Variants in CDH12 observed in about 807,000 individuals in gnomAD.
The protein encoded by CDH12 is cadherin-12.
A neutral mutation model predicts 74.1 loss-of-function variants in CDH12; 41 were observed. That is an observed-to-expected ratio of 0.55 (90% CI 0.43 to 0.72). The LOEUF is 0.72. Ranked by LOEUF, CDH12 falls within the 30% of genes least tolerant of loss-of-function variation. The probability of loss-of-function intolerance (pLI) is 0.00; values close to 1 mark genes in which losing one functional copy is unlikely to be tolerated. For synonymous variants in CDH12, 399 were observed against 355.0 expected, an observed-to-expected ratio of 1.12 and a Z score of -1.39; for missense variants, 945 against 977.2, an observed-to-expected ratio of 0.97 and a Z score of 0.44.
chr5:22,598,250 G>T (rs908727263), intron 1 of CDH12, among the ~76,000 whole-genome samples: 2 of 152,136 alleles, frequency 1.3e-5, no homozygotes, highest in Non-Finnish European at 2.9e-5. Flanking sequence ...TATTGATATG[G>T]TTAGGCTGTG....
At position 22,038,544 on chromosome 5, in the gene CDH12, C is replaced by T. The variant is rs1739340254; in HGVS notation, c.231+39902G>A. Among the ~76,000 whole-genome samples the T allele has an allele frequency of 2.0e-5, 3 of 152,298 alleles. No individual in the cohort carries two copies. In the Middle Eastern group the frequency reaches 0.01, roughly 518 times the overall value. ...TCTACTTTTCTCAATCCTTGCTGTGCCCTGTCTCTAGGGGCCTCTGCTGAA... is the reference window on the plus strand; with the variant it reads ...TCTACTTTTCTCAATCCTTGCTGTGTCCTGTCTCTAGGGGCCTCTGCTGAA... On this transcript the variant is annotated intron_variant, in intron 5 of 14. Transcript: ENST00000382254.
At chr5:22,531,885 C>T (rs146343748) in intron 1 of CDH12, among the ~76,000 whole-genome samples, 1 of 152,108 alleles carries the variant, frequency 6.6e-6, no homozygotes, top group Non-Finnish European at 1.5e-5. Context: ...TCCTTCCACA[C>T]CATGACTGGC....
At chr5:22,614,135 G>A (rs1737563678) in intron 1 of CDH12, among the ~76,000 whole-genome samples, 1 of 152,066 alleles carries the variant, frequency 6.6e-6, no homozygotes, top group Non-Finnish European at 1.5e-5. Flanking sequence ...GCTCTTAGTA[G>A]ACATGGAAGA....
intron 1 of CDH12, among the ~76,000 whole-genome samples, chr5:22,835,970 G>A (rs1561065705): frequency 6.6e-6 from 1 of 152,094 alleles, no homozygotes; most frequent in Non-Finnish European, 1.5e-5. Context: ...GTTGGAAACT[G>A]CAATCTTCCT....
chr5:22,469,185 C>A (rs2126601822), intron 2 of CDH12, among the ~76,000 whole-genome samples: 1 of 152,302 alleles, frequency 6.6e-6, no homozygotes, highest in South Asian at 2.1e-4. Context: ...TACTCTCCAC[C>A]AAGTGAAGAG....
intron 6 of CDH12, among the ~76,000 whole-genome samples, chr5:21,895,596 C>T (rs569931253): frequency 2.0e-5 from 3 of 152,288 alleles, no homozygotes; most frequent in South Asian, 4.1e-4. Flanking sequence ...CACACAGCTG[C>T]GCTTTTCTTT....
intron 3 of CDH12, among the ~76,000 whole-genome samples, chr5:22,385,859 G>A (rs1261573436): frequency 6.6e-6 from 1 of 151,734 alleles, no homozygotes; most frequent in East Asian, 1.9e-4. Context: ...CAGGAGAAAG[G>A]GAGAGAAGGT....
At chr5:22,447,150 G>A (rs1405941721) in intron 2 of CDH12, among the ~76,000 whole-genome samples, 2 of 152,022 alleles carry the variant, frequency 1.3e-5, no homozygotes, top group African/African-American at 4.8e-5. Flanking sequence ...TCTTGTATAA[G>A]GGCTATAATT....
intron 6 of CDH12, among the ~76,000 whole-genome samples, chr5:21,868,989 G>A (rs1030912018): frequency 6.6e-6 from 1 of 152,114 alleles, no homozygotes; most frequent in African/African-American, 2.4e-5. Flanking sequence ...TTTGTGCTCT[G>A]CTGGCCTGCA....
At chr5:21,995,965 C>T (rs965722925) in intron 5 of CDH12, among the ~76,000 whole-genome samples, 1 of 152,034 alleles carries the variant, frequency 6.6e-6, no homozygotes, top group African/African-American at 2.4e-5. Flanking sequence ...GAATCCTTCC[C>T]TGAGTAGTCG....
chr5:22,519,853 G>T (rs77674420), intron 1 of CDH12, among the ~76,000 whole-genome samples: 6,823 of 152,200 alleles, frequency 0.045, 228 homozygotes, highest in Non-Finnish European at 0.068. Context: ...TGGAGTTGTG[G>T]TGAGGTTTAA....
chr5:22,028,372 A>T (rs1420432456), intron 5 of CDH12, among the ~76,000 whole-genome samples: 2 of 152,158 alleles, frequency 1.3e-5, no homozygotes, highest in African/African-American at 4.8e-5. Context: ...CCATTGTCTC[A>T]GCCCAAAATC....
intron 1 of CDH12, among the ~76,000 whole-genome samples, chr5:22,730,199 C>A (rs1243939774): frequency 6.6e-6 from 1 of 151,688 alleles, no homozygotes; most frequent in Non-Finnish European, 1.5e-5. Flanking sequence ...ACAACGACAA[C>A]AACAACAAAA....
intron 1 of CDH12, among the ~76,000 whole-genome samples, chr5:22,782,065 C>T (rs904295651): frequency 2.0e-5 from 3 of 152,114 alleles, no homozygotes; most frequent in Non-Finnish European, 2.9e-5. Context: ...GTTGAATTAA[C>T]TAACTTGTTT....
At chr5:22,621,981 T>C (rs1737996973) in intron 1 of CDH12, among the ~76,000 whole-genome samples, 1 of 152,116 alleles carries the variant, frequency 6.6e-6, no homozygotes, top group Non-Finnish European at 1.5e-5. Flanking sequence ...AAAGAGTGAT[T>C]AATCCCCTAG....
At chr5:22,465,044 G>A (rs1258116930) in intron 2 of CDH12, among the ~76,000 whole-genome samples, 2 of 128,132 alleles carry the variant, frequency 1.6e-5, no homozygotes, top group East Asian at 2.8e-4. Flanking sequence ...AGGGGGGGAA[G>A]GGAGGAAGGG....
intron 2 of CDH12, among the ~76,000 whole-genome samples, chr5:22,497,827 G>A (rs940969272): frequency 4.6e-5 from 7 of 151,674 alleles, no homozygotes; most frequent in Admixed American, 2.0e-4. Context: ...ATTTTTAGTA[G>A]AGACGGGGTT....
Position 21,913,062 on chromosome 5 carries a change from C to G in CDH12, c.527-58272G>C, listed in dbSNP as rs145782003. Among the ~76,000 whole-genome samples, 1,051 of 152,266 alleles carry G rather than the reference C, an allele frequency of 6.9e-3. 8 individuals are homozygous for G. The highest frequency in any genetic ancestry group is 0.024 in the African/African-American group (1,007 of 41,550). On this transcript the variant is annotated intron_variant, in intron 6 of 14. Coordinates refer to ENST00000382254, the MANE Select transcript of CDH12 (RefSeq NM_004061.5). The stretch of plus-strand genomic sequence containing the variant: ...TTTACCATGTTGGCCAGACTGACCT[C>G]AAACTCCTGACCTCATGTGATCTGC...
chr5:22,323,785 A>C (rs190889090), intron 3 of CDH12, among the ~76,000 whole-genome samples: 4 of 152,112 alleles, frequency 2.6e-5, no homozygotes, highest in African/African-American at 9.7e-5. Context: ...CTTTGCTTTA[A>C]GTTATAGAAA....
Sources: allele counts gnomAD v4.1 joint callset (sites outside exome capture counted in the v4.1 genomes callset), GRCh38; gene constraint gnomAD v4.1.1; transcripts MANE v1.5; gene names NCBI Gene and HGNC (gene_info 2026-07-23, HGNC 2026-07-21).